NELL2: variants seen among roughly 807,000 people sequenced by gnomAD.
NELL2 encodes the protein neural EGFL like 2.
NELL2 carries 41 observed loss-of-function variants against 109.6 expected under a neutral mutation model. That is an observed-to-expected ratio of 0.37 (90% CI 0.29 to 0.49). The LOEUF (loss-of-function observed/expected upper bound fraction) is 0.49, where lower values mean the gene tolerates loss of function less well. Among genes scored for constraint, NELL2 ranks in the 20% least tolerant of loss-of-function variants. The probability of loss-of-function intolerance (pLI) is 0.98; values close to 1 mark genes in which losing one functional copy is unlikely to be tolerated. For synonymous variants in NELL2, 355 were observed against 344.7 expected (o/e 1.03, Z -0.33); for missense variants, 900 against 1,008.3 (o/e 0.89, Z 1.45).
intron 2 of NELL2, among the ~76,000 whole-genome samples, chr12:44,855,782 C>T (rs1424401800): frequency 1.3e-5 from 2 of 152,148 alleles, no homozygotes; most frequent in African/African-American, 4.8e-5. Flanking sequence ...CCAGGTTCTT[C>T]AAAATGCTGT....
At chr12:44,682,680 T>C (rs1181774180) in intron 12 of NELL2, among the ~76,000 whole-genome samples, 1 of 152,338 alleles carries the variant, frequency 6.6e-6, no homozygotes, top group East Asian at 1.9e-4. Flanking sequence ...TAGGGAATCC[T>C]TTCCCCATTT....
At chr12:44,854,460 A>G (rs1944619038) in intron 2 of NELL2, among the ~76,000 whole-genome samples, 1 of 152,280 alleles carries the variant, frequency 6.6e-6, no homozygotes, top group East Asian at 1.9e-4. Flanking sequence ...GAAAAAGAGG[A>G]TGTTACGGAC....
At chr12:44,702,743 A>T (rs1949266246) in intron 12 of NELL2, among the ~76,000 whole-genome samples, 1 of 152,204 alleles carries the variant, frequency 6.6e-6, no homozygotes, top group Non-Finnish European at 1.5e-5. Context: ...TTAGGACTGA[A>T]TCAGTAGCAT....
intron 3 of NELL2, among the ~76,000 whole-genome samples, chr12:44,786,569 A>G (rs1424118992): frequency 6.6e-6 from 1 of 152,194 alleles, no homozygotes; most frequent in African/African-American, 2.4e-5. Context: ...ATAAAGACAC[A>G]TGTACATGTA....
chr12:44,601,044 A>G (rs1945199241), intron 15 of NELL2, among the ~76,000 whole-genome samples: 1 of 152,176 alleles, frequency 6.6e-6, no homozygotes, highest in South Asian at 2.1e-4. Context: ...TCTATTGAAA[A>G]AAATAATATT....
rs559764536 is a variant in NELL2, at chr12:44,559,331, T to A, written c.1664-26610A>T. On this transcript the variant is annotated intron_variant, in intron 15 of 19. Transcript: ENST00000429094. ...AGCATCAAATTCACACATAACAATA[T>A]TAACCTTAAATGTAAATAGGTTAAA... Among the ~76,000 whole-genome samples, 161 of 152,272 alleles carry A rather than the reference T, an allele frequency of 1.1e-3. 1 individual carries two copies. The highest frequency in any genetic ancestry group is 3.6e-3 in the African/African-American group (149 of 41,558).
At chr12:44,647,454 T>C (rs1947134670) in intron 13 of NELL2, among the ~76,000 whole-genome samples, 1 of 152,060 alleles carries the variant, frequency 6.6e-6, no homozygotes, top group African/African-American at 2.4e-5. Flanking sequence ...TGCATAGAGA[T>C]GAAAAAGACA....
intron 2 of NELL2, among the ~76,000 whole-genome samples, chr12:44,835,234 G>A (rs1944016633): frequency 6.6e-6 from 1 of 152,138 alleles, no homozygotes. Context: ...TACTGATTAT[G>A]TACTCCACTC....
chr12:44,640,105 A>G (rs1324964323), intron 13 of NELL2, among the ~76,000 whole-genome samples: 1 of 152,202 alleles, frequency 6.6e-6, no homozygotes, highest in Non-Finnish European at 1.5e-5. Flanking sequence ...TTCATAGTTT[A>G]CCACTAAAGG....
At chr12:44,809,699 C>T (rs1313004786) in intron 3 of NELL2, among the ~76,000 whole-genome samples, 1 of 152,050 alleles carries the variant, frequency 6.6e-6, no homozygotes, top group African/African-American at 2.4e-5. Context: ...CCGGGAGTTT[C>T]ATAATTATGC....
chr12:44,886,257 G>A (rs1945472643), intron 1 of NELL2, among the ~76,000 whole-genome samples: 1 of 151,882 alleles, frequency 6.6e-6, no homozygotes. Context: ...GAATAAAATT[G>A]TTGTGACTTG....
chr12:44,547,838 C>A (rs2136160025), intron 15 of NELL2, among the ~76,000 whole-genome samples: 1 of 152,294 alleles, frequency 6.6e-6, no homozygotes, highest in Admixed American at 6.5e-5. Flanking sequence ...CTTTCTCTTT[C>A]TGGAATACAC....
intron 13 of NELL2, among the ~76,000 whole-genome samples, chr12:44,657,020 C>G (rs1405766319): frequency 6.6e-6 from 1 of 152,154 alleles, no homozygotes; most frequent in Non-Finnish European, 1.5e-5. Flanking sequence ...ATTAAACACA[C>G]AGAGCAATGT....
chr12:44,653,762 C>CA (rs1188958185), intron 13 of NELL2, among the ~76,000 whole-genome samples: 1 of 151,452 alleles, frequency 6.6e-6, no homozygotes, highest in African/African-American at 2.4e-5. Context: ...AATTTTTTGG[C>CA]AAAAAAGAAA....
intron 1 of NELL2, among the ~76,000 whole-genome samples, chr12:44,912,674 A>G (rs1208829977): frequency 6.6e-6 from 1 of 152,176 alleles, no homozygotes; most frequent in Non-Finnish European, 1.5e-5. Context: ...AGTACCTTCT[A>G]CATGCTAAGC....
intron 1 of NELL2, among the ~76,000 whole-genome samples, chr12:44,909,922 G>C (rs1234454363): frequency 6.6e-6 from 1 of 151,878 alleles, no homozygotes; most frequent in East Asian, 1.9e-4. Context: ...TAGCTGTCCA[G>C]CTATACGCAG....
chr12:44,616,494 C>G (rs898805605), intron 13 of NELL2, among the ~76,000 whole-genome samples: 1 of 152,064 alleles, frequency 6.6e-6, no homozygotes, highest in Admixed American at 6.6e-5. Context: ...TCATTTGATT[C>G]CTAGAAACCT....
intron 11 of NELL2, among the ~76,000 whole-genome samples, chr12:44,708,894 C>A (rs1938038194): frequency 6.6e-6 from 1 of 152,104 alleles, no homozygotes; most frequent in South Asian, 2.1e-4. Flanking sequence ...TATGTAAACA[C>A]ATTTTTTAAC....
Position 44,624,994 on chromosome 12 carries a change from G to GTATATATA in NELL2, c.1445-14025_1445-14024insTATATATA, listed in dbSNP as rs759847225. 4.6e-3 allele frequency among the ~76,000 whole-genome samples: 542 copies of GTATATATA among 118,626 alleles called. 24 individuals are homozygous for GTATATATA. Among genetic ancestry groups the GTATATATA allele is most frequent in the East Asian group, 0.017 (61 of 3,562 alleles). 77.8% of individuals were successfully genotyped at this position (118,626 alleles called of 152,430 possible). On this transcript the variant is annotated intron_variant, in intron 13 of 19. Coordinates refer to ENST00000429094, the MANE Select transcript of NELL2 (RefSeq NM_001145108.2). ...AGATGACAAATATATATATATGTGT[G>GTATATATA]TGTATATATATATATATATATATAT... is the stretch of plus-strand genomic sequence containing the variant.
Sources: gnomAD v4.1 joint callset for allele counts (sites outside exome capture counted in the v4.1 genomes callset) on GRCh38, gnomAD v4.1.1 for gene constraint, MANE v1.5 for transcripts, NCBI Gene and HGNC (gene_info 2026-07-23, HGNC 2026-07-21) for gene names.